Variants in TRARG1 observed in about 807,000 individuals in gnomAD.
TRARG1 encodes the protein trafficking regulator of GLUT4 (SLC2A4) 1 (gene/pseudogene).
Under a neutral mutation model 13.3 loss-of-function variants are expected in TRARG1, and 16 were observed. That is an observed-to-expected ratio of 1.20 (90% CI 0.81 to 1.83). The LOEUF is 1.83. Ranked by LOEUF, TRARG1 falls within the 40% of genes most tolerant of loss-of-function variation. The pLI, the probability that TRARG1 is intolerant of heterozygous loss-of-function variation, is 0.00. For missense variants in TRARG1, 250 were observed against 237.4 expected (o/e 1.05, Z -0.35); for synonymous variants, 113 against 106.2 (o/e 1.06, Z -0.39).
intron 1 of TRARG1, among the ~76,000 whole-genome samples, chr17:1,285,793 T>TG (rs2072015652): frequency 7.4e-6 from 1 of 135,470 alleles, no homozygotes; most frequent in Admixed American, 7.6e-5. Flanking sequence ...CAGAGAGATG[T>TG]GGGGGTCTCT....
rs779261334 is a variant in TRARG1, at chr17:1,279,967, G to A, written c.-35G>A. The A allele has an allele frequency of 6.3e-7, 1 of 1,580,716 alleles. No individual in the cohort carries two copies. The highest frequency in any genetic ancestry group is 1.2e-5 in the South Asian group (1 of 85,480). On this transcript the variant is annotated 5_prime_UTR_variant, in exon 1 of 3. Coordinates refer to ENST00000333813, the MANE Select transcript of TRARG1 (RefSeq NM_172367.3). ...GGTCCCTCCAGAGCCCCTTGTCCCAGCCTGGAGCTGCAGCCGCGCAAGGCC... is the reference window on the plus strand; with the variant it reads ...GGTCCCTCCAGAGCCCCTTGTCCCAACCTGGAGCTGCAGCCGCGCAAGGCC...
At chr17:1,281,654 C>G (rs1214572433) in intron 1 of TRARG1, among the ~76,000 whole-genome samples, 1 of 152,140 alleles carries the variant, frequency 6.6e-6, no homozygotes, top group Non-Finnish European at 1.5e-5. Context: ...CCTGCTGTAC[C>G]TGGGGACCGC....
At chr17:1,297,696 C>T (rs1431606798) in intron 2 of TRARG1, among the ~76,000 whole-genome samples, 2 of 150,818 alleles carry the variant, frequency 1.3e-5, no homozygotes, top group African/African-American at 4.9e-5. Flanking sequence ...CTCTGTCTCC[C>T]AGGTTCAAGC....
At chr17:1,296,936 C>T (rs1315926680) in intron 2 of TRARG1, among the ~76,000 whole-genome samples, 10 of 152,260 alleles carry the variant, frequency 6.6e-5, no homozygotes, top group Admixed American at 3.9e-4. Context: ...TGAGCCACCG[C>T]GCCTGGCCCA....
At chr17:1,286,529 TGTTGTTGGCCTGTG>T (rs1308255776) in intron 1 of TRARG1, among the ~76,000 whole-genome samples, 259 of 125,796 alleles carry the variant, frequency 2.1e-3, no homozygotes, top group African/African-American at 7.6e-3. Flanking sequence ...GCCTGTGGGG[TGTTGTTGGCCTGTG>T]GGTGTTGTCA....
intron 1 of TRARG1, among the ~76,000 whole-genome samples, chr17:1,282,170 G>A (rs1325483452): frequency 1.4e-5 from 2 of 146,970 alleles, no homozygotes; most frequent in African/African-American, 5.2e-5. Flanking sequence ...ATATATGTAC[G>A]TATACACGTG....
In TRARG1 at chr17:1,282,053, T is replaced by TGTAC. The variant is rs1303318088; in HGVS notation, c.387+1665_387+1666insGTAC. ...ACATATATACACACATATGTACACA[T>TGTAC]ATGTACATGTATACACATATATACA... is the stretch of plus-strand genomic sequence containing the variant. On this transcript the variant is annotated intron_variant, in intron 1 of 2. Transcript: ENST00000333813. Among the ~76,000 whole-genome samples the TGTAC allele has an allele frequency of 6.0e-5, 8 of 133,886 alleles. No homozygotes were observed. In the East Asian group the frequency reaches 9.3e-4, roughly 16 times the overall value. 87.8% of individuals were successfully genotyped at this position (133,886 alleles called of 152,430 possible). A position where few individuals can be genotyped will look rare whatever the true frequency, so the allele number is the denominator to read the frequency against.
At chr17:1,291,091 A>AAAAC (rs2072065807) in intron 1 of TRARG1, among the ~76,000 whole-genome samples, 3 of 151,860 alleles carry the variant, frequency 2.0e-5, no homozygotes, top group Admixed American at 6.6e-5. Context: ...TATTTAGTAG[A>AAAAC]GACGGGGTTT....
intron 1 of TRARG1, among the ~76,000 whole-genome samples, chr17:1,294,327 G>A (rs147505137): frequency 9.9e-4 from 151 of 152,216 alleles, no homozygotes; most frequent in Middle Eastern, 3.4e-3. Context: ...CAAGGCCCCC[G>A]TGAAGCCACA....
At chr17:1,280,681 G>A (rs1045495233) in intron 1 of TRARG1, among the ~76,000 whole-genome samples, 9 of 152,158 alleles carry the variant, frequency 5.9e-5, no homozygotes, top group African/African-American at 1.4e-4. Flanking sequence ...GATACATCCC[G>A]CGGGGCAGAA....
chr17:1,295,738 G>T, intron 2 of TRARG1, 115 bp downstream of exon 2: 1 of 1,369,824 alleles, frequency 7.3e-7, no homozygotes, highest in Non-Finnish European at 9.7e-7. Context: ...AGAAGGGCTG[G>T]TGGGGGCCCC....
In TRARG1 at chr17:1,300,712, C is replaced by T. The variant is rs2072149485; in HGVS notation, c.*2448C>T. The T allele has an allele frequency of 6.6e-6, 1 of 152,592 alleles. No individual in the cohort carries two copies. Among genetic ancestry groups the T allele is most frequent in the African/African-American group, 2.4e-5 (1 of 41,480 alleles). 9.5% of individuals were successfully genotyped at this position (152,592 alleles called of 1,614,324 possible). ...TTGGGCCCTGGAGGAGAAAGCCATT[C>T]TGGACACCAGGGGACCTGGACGGAG... On this transcript the variant is annotated 3_prime_UTR_variant, in exon 3 of 3. Transcript: ENST00000333813.
chr17:1,282,055 TGTAC>T, intron 1 of TRARG1, among the ~76,000 whole-genome samples: 1 of 135,164 alleles, frequency 7.4e-6, no homozygotes, highest in African/African-American at 2.9e-5. Context: ...TGTACACATA[TGTAC>T]ATGTATACAC....
At chr17:1,281,026 A>G (rs1165231621) in intron 1 of TRARG1, among the ~76,000 whole-genome samples, 1 of 152,142 alleles carries the variant, frequency 6.6e-6, no homozygotes, top group Admixed American at 6.5e-5. Flanking sequence ...CCTCGTCTTC[A>G]GGGCAGGGGA....
chr17:1,282,854 T>A lies in TRARG1; in HGVS notation c.387+2466T>A, dbSNP rs185131850. 4.9e-3 allele frequency among the ~76,000 whole-genome samples: 747 copies of A among 152,044 alleles called. 11 individuals are homozygous for A. The highest frequency in any genetic ancestry group is 0.017 in the African/African-American group (710 of 41,454). ...ACAGGCGCTGGCCACCATGCCTGGC[T>A]AATTTTTGTATTTTTAGTAGAGACG... On this transcript the variant is annotated intron_variant, in intron 1 of 2. Transcript: ENST00000333813.
chr17:1,297,188 C>T (rs1248849203), intron 2 of TRARG1, among the ~76,000 whole-genome samples: 1 of 152,120 alleles, frequency 6.6e-6, no homozygotes, highest in Non-Finnish European at 1.5e-5. Context: ...GTGTCAGAAA[C>T]GCAGAACTCC....
In TRARG1 at chr17:1,280,240, G is replaced by A. The variant is rs200966114; in HGVS notation, c.239G>A (p.Arg80Gln). 2.9e-5 allele frequency: 46 copies of A among 1,614,026 alleles called. No individual in the cohort carries two copies. Among genetic ancestry groups the A allele is most frequent in the Middle Eastern group, 3.3e-4 (2 of 6,062 alleles). Reference sequence around the variant, plus strand: ...GCCCCACTGCCTCGGTCCCCCTCCCGGGCCAGCTCAAGGAGGGCGTCCTCC... The same window carrying A: ...GCCCCACTGCCTCGGTCCCCCTCCCAGGCCAGCTCAAGGAGGGCGTCCTCC... Reference protein sequence around the residue: ...LEAPLPRSPSRASSRRASSIA... With the variant: ...LEAPLPRSPSQASSRRASSIA... The change falls in exon 1 of 3, where the codon CGG becomes CAG. Residue 80 changes from arginine (R) to glutamine (Q), a missense_variant. Arg to Gln is a conservative substitution (Grantham distance 43, BLOSUM62 1). Coordinates refer to ENST00000333813, the MANE Select transcript of TRARG1 (RefSeq NM_172367.3).
intron 1 of TRARG1, among the ~76,000 whole-genome samples, chr17:1,294,665 C>T (rs1257768955): frequency 6.8e-6 from 1 of 147,184 alleles, no homozygotes; most frequent in Admixed American, 6.9e-5. Context: ...GGGGTTTCAC[C>T]GTATTGGCCA....
chr17:1,295,374 G>A, intron 1 of TRARG1, 117 bp from the exon 2 acceptor site: 2 of 1,324,436 alleles, frequency 1.5e-6, no homozygotes, highest in Non-Finnish European at 2.0e-6. Context: ...GCTGCCATGG[G>A]GACGGGATGT....
Sources: allele counts gnomAD v4.1 joint callset (sites outside exome capture counted in the v4.1 genomes callset), GRCh38; gene constraint gnomAD v4.1.1; transcripts MANE v1.5; gene names NCBI Gene and HGNC (gene_info 2026-07-23, HGNC 2026-07-21).